Variants in DRC9 observed in about 807,000 individuals in gnomAD.
DRC9 encodes dynein regulatory complex subunit 9, also known as dynein regulatory complex protein 9.
the DRC9 span, among the ~76,000 whole-genome samples, chr3:197,939,777 C>T: frequency 6.6e-5 from 10 of 151,950 alleles, no homozygotes; most frequent in Admixed American, 5.2e-4. Context: ...CTTGCTCCGC[C>T]GCCCAGGCTG....
chr3:197,900,538 A>T, the DRC9 span, among the ~76,000 whole-genome samples: 3 of 139,920 alleles, frequency 2.1e-5, no homozygotes, highest in African/African-American at 8.4e-5. The surrounding 1 kb of genome is among the most constrained non-coding windows in gnomAD (Gnocchi z 4.7). Context: ...AGCAGAGGAC[A>T]CCAGCTCAGC....
chr3:197,957,716 G>C, the DRC9 span: 2 of 152,208 alleles, frequency 1.3e-5, no homozygotes, highest in Admixed American at 6.5e-5. Flanking sequence ...CAGTCAGCGC[G>C]AGGAAGTGCT....
At chr3:197,917,306 G>A in the DRC9 span, among the ~76,000 whole-genome samples, 78 of 152,282 alleles carry the variant, frequency 5.1e-4, no homozygotes, top group African/African-American at 1.8e-3. Context: ...AACAGAGCAA[G>A]ACCCTGTCTC....
the DRC9 span, among the ~76,000 whole-genome samples, chr3:197,946,381 G>T: frequency 1.4e-5 from 2 of 145,920 alleles, no homozygotes; most frequent in African/African-American, 5.3e-5. Flanking sequence ...CTTGCAGTGA[G>T]CCGAGATCGC....
At chr3:197,953,541 C>T in the DRC9 span, 9 of 457,178 alleles carry the variant, frequency 2.0e-5, no homozygotes, top group African/African-American at 1.4e-4. Flanking sequence ...GACACACACT[C>T]CTTGGCCCCA....
At chr3:197,937,717 A>T in the DRC9 span, among the ~76,000 whole-genome samples, 2 of 151,790 alleles carry the variant, frequency 1.3e-5, no homozygotes, top group Admixed American at 6.6e-5. Flanking sequence ...TGACCTCGTG[A>T]TCCACCAGCC....
the DRC9 span, chr3:197,950,961 AG>A: frequency 1.9e-6 from 3 of 1,614,154 alleles, no homozygotes; most frequent in Middle Eastern, 1.6e-4. Context: ...GACTTCTAAA[AG>A]GAACTATGTC....
At chr3:197,915,010 G>C in the DRC9 span, among the ~76,000 whole-genome samples, 1 of 151,204 alleles carries the variant, frequency 6.6e-6, no homozygotes, top group Admixed American at 6.6e-5. Flanking sequence ...CTAAAAATAC[G>C]AAAAATAGCT....
chr3:197,939,211 G>A, the DRC9 span, among the ~76,000 whole-genome samples: 12 of 152,122 alleles, frequency 7.9e-5, no homozygotes, highest in African/African-American at 4.8e-5. Context: ...CAATAAATGT[G>A]GCCATCTTTG....
At chr3:197,917,407 G>A in the DRC9 span, among the ~76,000 whole-genome samples, 1 of 152,326 alleles carries the variant, frequency 6.6e-6, no homozygotes, top group South Asian at 2.1e-4. Context: ...CATTCTAATT[G>A]TATGACAGTT....
the DRC9 span, among the ~76,000 whole-genome samples, chr3:197,907,087 C>T: frequency 2.0e-5 from 3 of 152,136 alleles, no homozygotes; most frequent in Non-Finnish European, 4.4e-5. Flanking sequence ...TTCAGGATCC[C>T]ATCACCCCAC....
the DRC9 span, chr3:197,956,952 A>G: frequency 3.9e-5 from 6 of 152,234 alleles, no homozygotes; most frequent in Non-Finnish European, 7.3e-5. Flanking sequence ...AATTGCACTG[A>G]AAATGTCAAC....
the DRC9 span, among the ~76,000 whole-genome samples, chr3:197,941,020 G>T: frequency 6.6e-6 from 1 of 152,186 alleles, no homozygotes; most frequent in African/African-American, 2.4e-5. Flanking sequence ...TTAGAACACT[G>T]TCATTCTTGA....
the DRC9 span, chr3:197,954,048 C>A: frequency 6.2e-7 from 1 of 1,613,992 alleles, no homozygotes; most frequent in African/African-American, 1.3e-5. Flanking sequence ...CCAGAGTCAT[C>A]TGGGGAAAAG....
the DRC9 span, chr3:197,889,759 C>T: frequency 2.5e-6 from 4 of 1,609,920 alleles, no homozygotes; most frequent in South Asian, 2.2e-5. Context: ...CTATGCCTGA[C>T]AAGCTGCATT....
the DRC9 span, among the ~76,000 whole-genome samples, chr3:197,952,810 A>T: frequency 2.0e-5 from 3 of 150,440 alleles, no homozygotes; most frequent in Middle Eastern, 3.5e-3. Flanking sequence ...GTTTTTATGC[A>T]TGCCTAAAGA....
At chr3:197,893,357 C>CAAAAAAAA in the DRC9 span, among the ~76,000 whole-genome samples, 15 of 43,234 alleles carry the variant, frequency 3.5e-4, 2 homozygotes, top group African/African-American at 1.3e-3. Context: ...AACTCCGTCT[C>CAAAAAAAA]AAAAAAAAAA....
the DRC9 span, among the ~76,000 whole-genome samples, chr3:197,922,074 C>A: frequency 6.6e-6 from 1 of 152,106 alleles, no homozygotes; most frequent in Non-Finnish European, 1.5e-5. Flanking sequence ...CTTGGTAGTT[C>A]TTTTTTGTTC....
At chr3:197,938,992 A>C in the DRC9 span, 4 of 559,624 alleles carry the variant, frequency 7.1e-6, no homozygotes, top group Non-Finnish European at 1.3e-5. Flanking sequence ...CCAACTTACC[A>C]CCTGGTACAC....
Sources: gnomAD v4.1 joint callset for allele counts (sites outside exome capture counted in the v4.1 genomes callset) on GRCh38, gnomAD v4.1.1 for gene constraint, Gnocchi (gnomAD v3.1) non-coding constraint, MANE v1.5 for transcripts, NCBI Gene and HGNC (gene_info 2026-07-23, HGNC 2026-07-21) for gene names.